PNPLA6: variants seen among roughly 807,000 people sequenced by gnomAD.
PNPLA6 encodes the protein patatin-like phospholipase domain-containing protein 6.
PNPLA6 carries 105 observed loss-of-function variants against 153.7 expected under a neutral mutation model. The observed-to-expected ratio is 0.68, with a 90% CI of 0.58 to 0.80. The LOEUF is 0.80. Ranked by LOEUF, PNPLA6 falls within the 30% of genes least tolerant of loss-of-function variation. PNPLA6 has a pLI of 0.00. For synonymous variants in PNPLA6, 825 were observed against 822.2 expected (o/e 1.00, Z -0.06); for missense variants, 1,423 against 1,919.3 (o/e 0.74, Z 4.83).
rs2023848578 is a variant in PNPLA6 at position 7,555,695 on chromosome 19, A to T, written c.3025A>T (p.Ile1009Phe). Reference sequence around the variant, plus strand: ...GGGCGGCACGTCCATTGGCTCTTTCATCGGAGCGTTGTACGCGGAGGAGCG... The same window carrying T: ...GGGCGGCACGTCCATTGGCTCTTTCTTCGGAGCGTTGTACGCGGAGGAGCG... ...LVGGTSIGSF[I>F]GALYAEERSA... The change falls in exon 24 of 32, where the codon ATC becomes TTC. Residue 1009 changes from isoleucine (I) to phenylalanine (F), a missense_variant. Ile to Phe is a conservative substitution (Grantham distance 21, BLOSUM62 0). Transcript: ENST00000600737. The surrounding 1 kb of genome is among the most constrained non-coding windows in gnomAD (Gnocchi z 6.3). The T allele has an allele frequency of 6.2e-7, 1 of 1,613,670 alleles. No homozygotes were observed. The highest frequency in any genetic ancestry group is 8.5e-7 in the Non-Finnish European group (1 of 1,179,888).
At chr19:7,542,483 C>A in intron 10 of PNPLA6, 78 bp from the exon 11 acceptor site, 1 of 1,076,964 alleles carries the variant, frequency 9.3e-7, no homozygotes, top group Non-Finnish European at 1.4e-6. Flanking sequence ...TACAGGCCTG[C>A]ACCACTACAC....
intron 13 of PNPLA6, among the ~76,000 whole-genome samples, chr19:7,544,671 C>T (rs2023309382): frequency 6.6e-6 from 1 of 151,950 alleles, no homozygotes; most frequent in East Asian, 1.9e-4. Flanking sequence ...GGGAGAGAAG[C>T]CTGGGGCAGG....
intron 28 of PNPLA6, among the ~76,000 whole-genome samples, chr19:7,559,773 G>A (rs2024026397): frequency 6.6e-6 from 1 of 152,006 alleles, no homozygotes; most frequent in Admixed American, 6.6e-5. Flanking sequence ...GAGCCCAGGA[G>A]TTTGAAGCTG....
At chr19:7,544,817 CT>C (rs530098225) in intron 13 of PNPLA6, among the ~76,000 whole-genome samples, 46 of 152,260 alleles carry the variant, frequency 3.0e-4, no homozygotes, top group Admixed American at 2.3e-3. Context: ...GAAGTCAAGG[CT>C]TTTGCCAGCT....
chr19:7,550,286 C>G lies in PNPLA6; in HGVS notation c.1815-12C>G. 6.2e-7 allele frequency: 1 copy of G among 1,612,964 alleles called. No individual in the cohort carries two copies. The highest frequency in any genetic ancestry group is 8.5e-7 in the Non-Finnish European group (1 of 1,180,054). On this transcript the variant is annotated splice_polypyrimidine_tract_variant and intron_variant, in intron 14 of 31. Transcript: ENST00000600737. The stretch of plus-strand genomic sequence containing the variant: ...GAGGCCTTCCTCTTTCATCCCAAGT[C>G]TGTTCCTGCAGGATCATGCGCGCAC...
rs2023122911 is a variant in PNPLA6, at chr19:7,541,230, C to T, written c.925-124C>T. 4 of 1,113,370 alleles carry T rather than the reference C, an allele frequency of 3.6e-6. No homozygotes were observed. Among genetic ancestry groups the T allele is most frequent in the Non-Finnish European group, 5.3e-6 (4 of 754,958 alleles). 69.0% of individuals were successfully genotyped at this position (1,113,370 alleles called of 1,614,324 possible). On this transcript the variant is annotated intron_variant, in intron 7 of 31. Coordinates refer to ENST00000600737, the MANE Select transcript of PNPLA6 (RefSeq NM_001166114.2). This position sits in a 1 kb window ranked among gnomAD's most constrained non-coding sequence, Gnocchi z 5.2. ...TCCCTTAGCTGCCTCGCCCCATTTC[C>T]CCAGACTGTGGGTCTCTCCCTGGTT...
At chr19:7,553,119 G>A (rs560864073) in intron 18 of PNPLA6, among the ~76,000 whole-genome samples, 1 of 152,166 alleles carries the variant, frequency 6.6e-6, no homozygotes, top group African/African-American at 2.4e-5. Flanking sequence ...GGGGAGGAAG[G>A]ATTCCACCAG....
chr19:7,538,003 G>C (rs1218815678), intron 3 of PNPLA6, among the ~76,000 whole-genome samples: 1 of 152,012 alleles, frequency 6.6e-6, no homozygotes, highest in Non-Finnish European at 1.5e-5. Context: ...GATCAGTTGA[G>C]GGTCTATACC....
In PNPLA6 at chr19:7,553,978, C is replaced by T; in HGVS notation, c.2364C>T (p.Ala788=). 6.2e-7 allele frequency: 1 copy of T among 1,611,728 alleles called. No homozygotes were observed. Among genetic ancestry groups the T allele is most frequent in the African/African-American group, 1.3e-5 (1 of 74,840 alleles). Residue 788 remains alanine, a synonymous_variant, in exon 19 of 32, where the codon GCC becomes GCT. Transcript: ENST00000600737. The part of the protein sequence containing the change: ...LPVCAEVPMV[A]FTLELQHALQ... ...TGTGTGCTGAGGTCCCCATGGTGGC[C>T]TTCACGCTGGAGCTGCAGCACGCCC...
intron 19 of PNPLA6, 38 bp downstream of exon 19, chr19:7,554,053 G>A (rs1252668764): frequency 3.7e-6 from 6 of 1,604,930 alleles, no homozygotes; most frequent in East Asian, 2.2e-5. Context: ...GGCTGGCGGT[G>A]GGTGGGACAT....
intron 13 of PNPLA6, chr19:7,549,682 T>G: frequency 1.7e-6 from 1 of 584,440 alleles, no homozygotes; most frequent in South Asian, 2.0e-5. Context: ...GAGACAGGTT[T>G]CGCCACGTTG....
chr19:7,535,120 C>G (rs1309235852), upstream of PNPLA6: 1 of 327,834 alleles, frequency 3.1e-6, no homozygotes, highest in Non-Finnish European at 5.9e-6. This position sits in a 1 kb window ranked among gnomAD's most constrained non-coding sequence, Gnocchi z 5.0. Flanking sequence ...CTTGATCAAC[C>G]CTGCAGAGGG....
chr19:7,560,984 C>G (rs564259067), intron 29 of PNPLA6, 30 bp from the exon 30 acceptor site: 6 of 1,502,488 alleles, frequency 4.0e-6, no homozygotes, highest in South Asian at 2.3e-5. Flanking sequence ...GTGGGCCCCC[C>G]CTAAGAGCCT....
chr19:7,542,850 C>A lies in PNPLA6; in HGVS notation c.1452C>A (p.Phe484Leu). Residue 484 changes from phenylalanine (F) to leucine (L), a missense_variant, in exon 12 of 32, where the codon TTC becomes TTA. This residue lies in a region of PNPLA6 where 267 missense variants were observed against 255.1 expected (regional missense o/e 1.05). Coordinates refer to ENST00000600737, the MANE Select transcript of PNPLA6 (RefSeq NM_001166114.2). The part of the protein sequence containing the change: ...EDESATGGCP[F>L]GPYQGRQTSS... ...AGTCGGCCACTGGTGGCTGCCCTTT[C>A]GGGCCCTACCAGGGCCGCCAGACCA... The A allele has an allele frequency of 1.2e-6, 2 of 1,612,988 alleles. No individual in the cohort carries two copies. The highest frequency in any genetic ancestry group is 1.7e-6 in the Non-Finnish European group (2 of 1,179,852).
rs529887259 is a variant in PNPLA6 at position 7,541,999 on chromosome 19, C to T, written c.1184C>T (p.Pro395Leu). 2 of 1,608,414 alleles carry T rather than the reference C, an allele frequency of 1.2e-6. No individual in the cohort carries two copies. The highest frequency in any genetic ancestry group is 1.7e-5 in the Admixed American group (1 of 60,010). ...TCTCCCCCAGGGGACCCTGTGAAGC[C>T]CACATCCCTGGAAACCCCCTCGGCC... ...LPGPTGDPVKPTSLETPSAPL... is the reference protein window; with the variant it reads ...LPGPTGDPVKLTSLETPSAPL... Residue 395 changes from proline to leucine, a missense_variant, in exon 10 of 32, where the codon CCC becomes CTC. Pro to Leu is a moderately conservative substitution (Grantham distance 98, BLOSUM62 -3). Transcript: ENST00000600737. The surrounding 1 kb of genome is among the most constrained non-coding windows in gnomAD (Gnocchi z 5.2).
In PNPLA6 at chr19:7,556,435, C is replaced by T. The variant is rs370149053; in HGVS notation, c.3094-18C>T. On this transcript the variant is annotated intron_variant, in intron 24 of 31. Transcript: ENST00000600737. Reference sequence around the variant, plus strand: ...CCATGTAACTCCTATTTGACCCTGTCTGGCCCCTTGTCCCTAGAGCATGAC... The same window carrying T: ...CCATGTAACTCCTATTTGACCCTGTTTGGCCCCTTGTCCCTAGAGCATGAC... 4.6e-6 allele frequency: 7 copies of T among 1,508,858 alleles called. No homozygotes were observed. In the Admixed American group the frequency reaches 1.0e-4, roughly 22 times the overall value. The allele number at this position is 1,508,858 out of a possible 1,614,324, so 93.5% of individuals were successfully genotyped here.
intron 13 of PNPLA6, among the ~76,000 whole-genome samples, chr19:7,543,620 G>A (rs758551539): frequency 6.8e-4 from 103 of 152,200 alleles, no homozygotes; most frequent in Non-Finnish European, 1.3e-3. Flanking sequence ...TTAGTGACCC[G>A]ACTACCAGCT....
intron 3 of PNPLA6, among the ~76,000 whole-genome samples, chr19:7,537,234 G>A (rs191313309): frequency 6.6e-6 from 1 of 152,224 alleles, no homozygotes; most frequent in African/African-American, 2.4e-5. Flanking sequence ...GTACCTCACT[G>A]AGGTAATTGT....
In PNPLA6 at chr19:7,551,370, C is replaced by A. The variant is rs774396876; in HGVS notation, c.2193C>A (p.Thr731=). Residue 731 remains threonine (T), a synonymous_variant, in exon 18 of 32, where the codon ACC becomes ACA. Coordinates refer to ENST00000600737, the MANE Select transcript of PNPLA6 (RefSeq NM_001166114.2). ...HIKRRYPQVV[T]RLIHLLSQKI... ...GCCTCCAACGCCCCCAGGTCGTGACCCGCCTTATCCACCTACTGAGCCAGA... is the reference window on the plus strand; with the variant it reads ...GCCTCCAACGCCCCCAGGTCGTGACACGCCTTATCCACCTACTGAGCCAGA... The A allele has an allele frequency of 2.5e-6, 4 of 1,614,042 alleles. No individual in the cohort carries two copies. Among genetic ancestry groups the A allele is most frequent in the Non-Finnish European group, 3.4e-6 (4 of 1,179,986 alleles).
Sources: gnomAD v4.1 joint callset for allele counts (sites outside exome capture counted in the v4.1 genomes callset) on GRCh38, gnomAD v4.1.1 for gene constraint, gnomAD v4.1.1 regional missense constraint, Gnocchi (gnomAD v3.1) non-coding constraint, MANE v1.5 for transcripts, NCBI Gene and HGNC (gene_info 2026-07-23, HGNC 2026-07-21) for gene names.